EXOC4: variants seen among roughly 807,000 people sequenced by gnomAD.
The protein encoded by EXOC4 is exocyst complex component 4, also known as SEC8-like 1.
A neutral mutation model predicts 107.2 loss-of-function variants in EXOC4; 71 were observed. That is an observed-to-expected ratio of 0.66 (90% CI 0.55 to 0.81). EXOC4 has a LOEUF of 0.81. Ranked by LOEUF, EXOC4 falls within the 30% of genes least tolerant of loss-of-function variation. The pLI is 0.00. For synonymous variants in EXOC4, 456 were observed against 441.2 expected, an observed-to-expected ratio of 1.03 and a Z score of -0.42; for missense variants, 1,108 against 1,189.6, an observed-to-expected ratio of 0.93 and a Z score of 1.01.
chr7:134,005,789 T>C (rs1794631073), intron 16 of EXOC4, among the ~76,000 whole-genome samples: 1 of 152,206 alleles, frequency 6.6e-6, no homozygotes, highest in Non-Finnish European at 1.5e-5. Context: ...AGAATTAAAC[T>C]AGTATTATTT....
In EXOC4 at chr7:133,907,473, A is replaced by G. The variant is rs181097229; in HGVS notation, c.1872-10110A>G. The stretch of plus-strand genomic sequence containing the variant: ...GGTTTTCCATACTAGGTCCACTGAG[A>G]GTTGGGCCCGGGCAAGTTTAGTTTA... On this transcript the variant is annotated intron_variant, in intron 12 of 17. Transcript: ENST00000253861. Among the ~76,000 whole-genome samples, 3 of 152,230 alleles carry G rather than the reference A, an allele frequency of 2.0e-5. No homozygotes were observed. In the East Asian group the frequency reaches 5.8e-4, roughly 29 times the overall value.
chr7:134,063,080 T>C (rs529581454), intron 17 of EXOC4, among the ~76,000 whole-genome samples: 7 of 152,322 alleles, frequency 4.6e-5, no homozygotes, highest in African/African-American at 1.4e-4. Flanking sequence ...AAGTCCTTTA[T>C]TGGCTTAACT....
At chr7:133,456,897 AT>A (rs1372546966) in intron 7 of EXOC4, among the ~76,000 whole-genome samples, 4 of 152,306 alleles carry the variant, frequency 2.6e-5, no homozygotes, top group Non-Finnish European at 4.4e-5. Context: ...CTTCAGGATA[AT>A]TTTATTTGCA....
chr7:133,568,129 C>T (rs919525161), intron 9 of EXOC4, among the ~76,000 whole-genome samples: 27 of 152,146 alleles, frequency 1.8e-4, no homozygotes, highest in African/African-American at 6.5e-4. Context: ...TGTGAGATTG[C>T]ACGTTTTCAT....
rs370037690 is a variant in EXOC4 at position 133,906,397 on chromosome 7, G to A, written c.1871+10662G>A. On this transcript the variant is annotated intron_variant, in intron 12 of 17. Coordinates refer to ENST00000253861, the MANE Select transcript of EXOC4 (RefSeq NM_021807.4). The stretch of plus-strand genomic sequence containing the variant: ...GGTGACTGCATCCACCTTTAAACAC[G>A]GGGGCTTGCAACTTAGCTCACACCC... Among the ~76,000 whole-genome samples the A allele has an allele frequency of 4.1e-4, 63 of 152,240 alleles. No homozygotes were observed. The South Asian group carries it at 0.011, about 26-fold the overall frequency.
intron 10 of EXOC4, among the ~76,000 whole-genome samples, chr7:133,632,346 C>T (rs955717366): frequency 3.9e-5 from 6 of 152,096 alleles, no homozygotes; most frequent in African/African-American, 7.2e-5. Context: ...ATCATTCATT[C>T]TTTCTCTGTG....
chr7:133,404,996 C>T (rs550365063), intron 7 of EXOC4, among the ~76,000 whole-genome samples: 7 of 151,058 alleles, frequency 4.6e-5, no homozygotes, highest in Non-Finnish European at 4.4e-5. Context: ...ATCCCTTGAG[C>T]TCATGAGTTC....
At chr7:134,002,356 T>G (rs1794548883) in intron 15 of EXOC4, among the ~76,000 whole-genome samples, 2 of 152,170 alleles carry the variant, frequency 1.3e-5, no homozygotes, top group Non-Finnish European at 2.9e-5. Context: ...ATGTAAAATC[T>G]AAAACTCTAA....
intron 17 of EXOC4, among the ~76,000 whole-genome samples, chr7:134,019,618 A>G (rs1239978550): frequency 6.6e-6 from 1 of 152,218 alleles, no homozygotes; most frequent in Non-Finnish European, 1.5e-5. Context: ...TAACGAAGTT[A>G]AGTAAATTCC....
At chr7:133,637,983 A>G (rs573674103) in intron 10 of EXOC4, among the ~76,000 whole-genome samples, 10 of 152,274 alleles carry the variant, frequency 6.6e-5, no homozygotes, top group Admixed American at 5.2e-4. Flanking sequence ...AGGCATCCCA[A>G]TCTAGTTAGC....
chr7:134,013,897 T>C (rs184265781), intron 17 of EXOC4, among the ~76,000 whole-genome samples: 1 of 152,272 alleles, frequency 6.6e-6, no homozygotes, highest in African/African-American at 2.4e-5. Context: ...AATGAAAATG[T>C]TGGCAAGGTT....
chr7:133,550,669 T>G (rs867288150), intron 9 of EXOC4, among the ~76,000 whole-genome samples: 2 of 152,268 alleles, frequency 1.3e-5, no homozygotes, highest in African/African-American at 4.8e-5. Flanking sequence ...GCACCAACCT[T>G]AACTGAGATG....
intron 17 of EXOC4, among the ~76,000 whole-genome samples, chr7:134,039,636 G>T (rs1417771569): frequency 6.6e-6 from 1 of 152,078 alleles, no homozygotes; most frequent in African/African-American, 2.4e-5. Flanking sequence ...TGGTCATATT[G>T]CTTTTCCTTG....
intron 9 of EXOC4, among the ~76,000 whole-genome samples, chr7:133,592,980 C>T (rs1184416234): frequency 6.6e-6 from 1 of 152,194 alleles, no homozygotes; most frequent in Non-Finnish European, 1.5e-5. Context: ...CTCCTGACCT[C>T]AAGTTATCTG....
chr7:133,889,370 CT>C (rs1018083926), intron 11 of EXOC4, among the ~76,000 whole-genome samples: 165 of 134,296 alleles, frequency 1.2e-3, no homozygotes, highest in Middle Eastern at 8.0e-3. Flanking sequence ...GTTCATATTT[CT>C]TTTTTTTTTT....
chr7:133,274,449 T>C (rs2150523827), intron 1 of EXOC4, among the ~76,000 whole-genome samples: 1 of 152,350 alleles, frequency 6.6e-6, no homozygotes, highest in African/African-American at 2.4e-5. Context: ...GCTGGCTGCT[T>C]TGGTGGCCAA....
intron 10 of EXOC4, among the ~76,000 whole-genome samples, chr7:133,642,509 T>C (rs560799549): frequency 6.6e-6 from 1 of 152,332 alleles, no homozygotes; most frequent in South Asian, 2.1e-4. Context: ...ACCCCACACG[T>C]CTAGTGTTGC....
intron 17 of EXOC4, among the ~76,000 whole-genome samples, chr7:134,018,138 G>A (rs1046434408): frequency 1.5e-4 from 23 of 152,242 alleles, no homozygotes; most frequent in Middle Eastern, 3.4e-3. Flanking sequence ...CTATTTTTCT[G>A]CCAGGGAAGG....
intron 7 of EXOC4, among the ~76,000 whole-genome samples, chr7:133,386,304 C>T (rs1324699415): frequency 2.0e-5 from 3 of 152,268 alleles, no homozygotes; most frequent in East Asian, 3.9e-4. Context: ...TTCCAGTGGT[C>T]ACTGGGCCTC....
Sources: gnomAD v4.1 joint callset for allele counts (sites outside exome capture counted in the v4.1 genomes callset) on GRCh38, gnomAD v4.1.1 for gene constraint, MANE v1.5 for transcripts, NCBI Gene and HGNC (gene_info 2026-07-23, HGNC 2026-07-21) for gene names.